Variants in F11 observed in about 807,000 individuals in gnomAD.
The protein encoded by F11 is coagualtion factor XI.
A neutral mutation model predicts 76.5 loss-of-function variants in F11; 78 were observed. The ratio of observed to expected loss-of-function variants is 1.02; its 90% confidence interval spans 0.85 to 1.23. The LOEUF (loss-of-function observed/expected upper bound fraction) is 1.23. F11 is among the 50% of genes most tolerant of loss of function. F11 has a pLI of 0.00. For synonymous variants in F11, 278 were observed against 276.3 expected (o/e 1.01, Z -0.06); for missense variants, 742 against 771.4 (o/e 0.96, Z 0.45).
rs184583891 is a variant in F11 at position 186,266,819 on chromosome 4, G to T, written c.-1-317G>T. On this transcript the variant is annotated intron_variant, in intron 1 of 14. Coordinates refer to ENST00000403665, the MANE Select transcript of F11 (RefSeq NM_000128.4). ...GATGAAAAATTGGGGTGGGGAGAGC[G>T]GTCAGATGGTGGCCATGAGAAGGAT... Among the ~76,000 whole-genome samples, 107 of 152,252 alleles carry T rather than the reference G, an allele frequency of 7.0e-4. No individual in the cohort carries two copies. The Middle Eastern group carries it at 0.031, about 44-fold the overall frequency.
At chr4:186,281,844 C>T in intron 10 of F11, 1 of 1,195,162 alleles carries the variant, frequency 8.4e-7, no homozygotes. Flanking sequence ...GCGAATCAAT[C>T]CTTAATTTCT....
chr4:186,279,659 T>C (rs1360006926), intron 7 of F11, among the ~76,000 whole-genome samples: 2 of 152,140 alleles, frequency 1.3e-5, no homozygotes, highest in Non-Finnish European at 1.5e-5. Flanking sequence ...ATTGCAACCC[T>C]GGATAGGAGG....
Position 186,288,456 on chromosome 4 carries a change from G to T in F11, c.1720G>T (p.Asp574Tyr), listed in dbSNP as rs757661087. ...TTCTTGTCTCCCCTCGTTCTAGGGA[G>T]ATTCGGGAGGCCCTCTGTCCTGCAA... ...REGGKDACKG[D>Y]SGGPLSCKHN... The change falls in exon 15 of 15, where the codon GAT becomes TAT. Residue 574 changes from aspartate to tyrosine, a missense_variant. Physicochemically the swap from Asp to Tyr is radical, Grantham distance 160 (BLOSUM62 -3). Transcript: ENST00000403665. 6.2e-7 allele frequency: 1 copy of T among 1,614,106 alleles called. No homozygotes were observed. The highest frequency in any genetic ancestry group is 1.1e-5 in the South Asian group (1 of 91,074).
In F11 at chr4:186,274,276, G is replaced by C; in HGVS notation, c.485+1G>C. 1 of 1,614,194 alleles carries C rather than the reference G, an allele frequency of 6.2e-7. No homozygotes were observed. Among genetic ancestry groups the C allele is most frequent in the Non-Finnish European group, 8.5e-7 (1 of 1,180,034 alleles). On this transcript the variant is annotated splice_donor_variant, in intron 5 of 14. Coordinates refer to ENST00000403665, the MANE Select transcript of F11 (RefSeq NM_000128.4). LOFTEE classifies it high-confidence loss of function. ...GGCAGTTTCCCAGCCTGGAGCATCG[G>C]TGAGTGAGTCCCAGGACATTCGAGT...
intron 7 of F11, 93 bp from the exon 8 acceptor site, chr4:186,279,919 T>C (rs888241980): frequency 4.3e-6 from 4 of 934,154 alleles, no homozygotes; most frequent in Middle Eastern, 4.5e-4. Context: ...AACTAAGTGC[T>C]AGCATGAGCT....
At chr4:186,283,098 GC>G in intron 10 of F11, 1 of 948,944 alleles carries the variant, frequency 1.1e-6, no homozygotes, top group Non-Finnish European at 1.3e-6. Flanking sequence ...TCACCTGGGA[GC>G]TTGTTAGAAA....
intron 10 of F11, 29 bp downstream of exon 10, chr4:186,280,609 A>G (rs1243239940): frequency 6.7e-7 from 1 of 1,501,290 alleles, no homozygotes; most frequent in South Asian, 1.1e-5. Flanking sequence ...GAAAAAATAT[A>G]GCTGAAGGAA....
At chr4:186,272,094 T>C (rs1159147725) in intron 3 of F11, among the ~76,000 whole-genome samples, 1 of 151,994 alleles carries the variant, frequency 6.6e-6, no homozygotes, top group Non-Finnish European at 1.5e-5. Flanking sequence ...GTCGTGCTTC[T>C]CAACAAACTG....
At chr4:186,283,152 A>AT (rs1482893900) in intron 10 of F11, 2 of 674,758 alleles carry the variant, frequency 3.0e-6, no homozygotes, top group Non-Finnish European at 3.7e-6. Flanking sequence ...CAGAATCTGC[A>AT]TTTTGAAAGC....
In F11 at chr4:186,273,123, AG is replaced by A. The variant is rs1561481138; in HGVS notation, c.273del (p.Thr92GlnfsTer16). 6.2e-7 allele frequency: 1 copy of A among 1,614,118 alleles called. No homozygotes were observed. ...TACAGAAACACTGCCAAGAGTGAAT[AG>A]GACAGCAGCGATTTCTGGGTATTCT... ...SVTETLPRVN[R>X]TAAISGYSFK... On this transcript the variant is annotated frameshift_variant, in exon 4 of 15. Transcript: ENST00000403665. LOFTEE classifies it high-confidence loss of function.
In F11 at chr4:186,282,357, A is replaced by C. The variant is rs1052856126; in HGVS notation, c.1136-1735A>C. 5.1e-6 allele frequency: 5 copies of C among 985,422 alleles called. No individual in the cohort carries two copies. The East Asian group carries it at 5.7e-4, about 112-fold the overall frequency. 61.0% of individuals were successfully genotyped at this position (985,422 alleles called of 1,614,324 possible). ...GTCTTTTCAGTGCAACTTTGGAGGG[A>C]GTGAATTAGATAACTAGGTTTTTAC... On this transcript the variant is annotated intron_variant, in intron 10 of 14. Transcript: ENST00000403665.
rs759408151 is a variant in F11, at chr4:186,273,055, T to C, written c.219-16T>C. The C allele has an allele frequency of 1.9e-5, 29 of 1,536,878 alleles. No individual in the cohort carries two copies. Among genetic ancestry groups the C allele is most frequent in the Non-Finnish European group, 2.6e-5 (29 of 1,112,994 alleles). On this transcript the variant is annotated splice_polypyrimidine_tract_variant and intron_variant, in intron 3 of 14. Coordinates refer to ENST00000403665, the MANE Select transcript of F11 (RefSeq NM_000128.4). Reference sequence around the variant, plus strand: ...ATAAATTCCTATTCATTAATATGTATTTTTTAAAAAAACAGGTTTACTTGT... The same window carrying C: ...ATAAATTCCTATTCATTAATATGTACTTTTTAAAAAAACAGGTTTACTTGT...
At chr4:186,269,632 A>G (rs1488987236) in intron 2 of F11, among the ~76,000 whole-genome samples, 1 of 152,182 alleles carries the variant, frequency 6.6e-6, no homozygotes, top group South Asian at 2.1e-4. Context: ...TTTAATGGGC[A>G]CAGAGCATCA....
intron 10 of F11, 81 bp downstream of exon 10, chr4:186,280,661 T>C (rs1427554151): frequency 4.1e-6 from 5 of 1,213,732 alleles, no homozygotes; most frequent in Non-Finnish European, 6.0e-6. Context: ...CTGTCAGTTA[T>C]AGCCACAGAA....
intron 14 of F11, 146 bp from the exon 15 acceptor site, chr4:186,288,307 T>C: frequency 1.1e-6 from 1 of 901,580 alleles, no homozygotes; most frequent in Non-Finnish European, 1.8e-6. Flanking sequence ...GGAGATTGAC[T>C]GGATGAACGC....
Position 186,274,069 on chromosome 4 carries a change from G to A in F11, c.326-47G>A, listed in dbSNP as rs760486162. On this transcript the variant is annotated intron_variant, in intron 4 of 14. Coordinates refer to ENST00000403665, the MANE Select transcript of F11 (RefSeq NM_000128.4). The stretch of plus-strand genomic sequence containing the variant: ...AGGAGGGACAGTTGCTTAGGTCATT[G>A]CCCCTAGAATCTGGAAGGTACTCAT... 2.9e-5 allele frequency: 46 copies of A among 1,611,386 alleles called. 1 individual carries two copies. Among genetic ancestry groups the A allele is most frequent in the Non-Finnish European group, 3.8e-5 (45 of 1,177,680 alleles).
chr4:186,289,044 GGA>G lies in F11; in HGVS notation c.*431_*432del. ...CAAAGACAGTCTTCACCATTTTGCA[GGA>G]ATCTACACTCTGCCTATGTGAACAC... On this transcript the variant is annotated 3_prime_UTR_variant, in exon 15 of 15. Coordinates refer to ENST00000403665, the MANE Select transcript of F11 (RefSeq NM_000128.4). 8.7e-6 allele frequency: 2 copies of G among 229,236 alleles called. No homozygotes were observed. The highest frequency in any genetic ancestry group is 8.7e-6 in the Non-Finnish European group (1 of 114,510). 14.2% of individuals were successfully genotyped at this position (229,236 alleles called of 1,614,324 possible).
At chr4:186,270,465 G>T (rs1403596206) in intron 2 of F11, among the ~76,000 whole-genome samples, 1 of 152,126 alleles carries the variant, frequency 6.6e-6, no homozygotes, top group East Asian at 1.9e-4. Flanking sequence ...TTATGCGGCG[G>T]TGAAGTGCCG....
chr4:186,271,481 T>G, intron 2 of F11, 128 bp from the exon 3 acceptor site: 1 of 1,060,920 alleles, frequency 9.4e-7, no homozygotes. Flanking sequence ...GTTTATTGCC[T>G]TGATTTCCAA....
Sources: gnomAD v4.1 joint callset for allele counts (sites outside exome capture counted in the v4.1 genomes callset) on GRCh38, gnomAD v4.1.1 for gene constraint, MANE v1.5 for transcripts, NCBI Gene and HGNC (gene_info 2026-07-23, HGNC 2026-07-21) for gene names.